Variants in MEI4 observed in about 807,000 individuals in gnomAD.
MEI4 encodes the protein meiotic double-stranded break formation protein 4, also known as meiosis-specific protein MEI4.
In MEI4, 27 loss-of-function variants were observed where a neutral mutation model predicts 31.4. The observed-to-expected ratio is 0.86, with a 90% CI of 0.63 to 1.19. The LOEUF is 1.19. Ranked by LOEUF, MEI4 falls within the 50% of genes most tolerant of loss-of-function variation. The probability of loss-of-function intolerance (pLI) is 0.00; values close to 1 mark genes in which losing one functional copy is unlikely to be tolerated. For synonymous variants in MEI4, 122 were observed against 145.4 expected, an observed-to-expected ratio of 0.84 and a Z score of 1.16; for missense variants, 329 against 398.9, an observed-to-expected ratio of 0.82 and a Z score of 1.49.
chr6:77,758,538 C>T (rs1767967351), intron 2 of MEI4, among the ~76,000 whole-genome samples: 1 of 152,178 alleles, frequency 6.6e-6, no homozygotes, highest in African/African-American at 2.4e-5. Context: ...CACTGTCCCC[C>T]TTTCTCAAAC....
chr6:77,768,998 T>G (rs1768243128), intron 3 of MEI4, among the ~76,000 whole-genome samples: 1 of 152,110 alleles, frequency 6.6e-6, no homozygotes, highest in Non-Finnish European at 1.5e-5. Flanking sequence ...AAGACTAAAT[T>G]GAACAACAGT....
At chr6:77,716,455 TG>T (rs1385519325) in intron 2 of MEI4, among the ~76,000 whole-genome samples, 2 of 152,138 alleles carry the variant, frequency 1.3e-5, no homozygotes, top group African/African-American at 4.8e-5. Flanking sequence ...ATTGAGGTAT[TG>T]TCAGCAGATG....
At chr6:77,664,581 G>A (rs2127643417) in intron 1 of MEI4, among the ~76,000 whole-genome samples, 1 of 152,092 alleles carries the variant, frequency 6.6e-6, no homozygotes, top group Non-Finnish European at 1.5e-5. Context: ...AGGAAGAATT[G>A]GGACCTAGCT....
At chr6:77,689,835 A>T (rs1360240367) in intron 1 of MEI4, among the ~76,000 whole-genome samples, 4 of 152,060 alleles carry the variant, frequency 2.6e-5, no homozygotes, top group Non-Finnish European at 5.9e-5. Context: ...CTCTTCATCA[A>T]GCATTTTTAT....
At chr6:77,897,340 T>C (rs1766101881) in intron 4 of MEI4, among the ~76,000 whole-genome samples, 1 of 151,992 alleles carries the variant, frequency 6.6e-6, no homozygotes, top group Admixed American at 6.6e-5. Context: ...CATCCTTTTC[T>C]TTTTACGATT....
intron 1 of MEI4, among the ~76,000 whole-genome samples, chr6:77,664,585 C>T (rs1220937856): frequency 1.3e-5 from 2 of 151,730 alleles, no homozygotes; most frequent in African/African-American, 4.8e-5. Context: ...AGAATTGGGA[C>T]CTAGCTCGGC....
chr6:77,698,351 T>C (rs1201933873), intron 2 of MEI4, among the ~76,000 whole-genome samples: 1 of 152,218 alleles, frequency 6.6e-6, no homozygotes, highest in Non-Finnish European at 1.5e-5. Context: ...TGATGCAGTT[T>C]CTTCCTAGCC....
chr6:77,803,019 G>C (rs1411148054), intron 3 of MEI4, among the ~76,000 whole-genome samples: 1 of 152,132 alleles, frequency 6.6e-6, no homozygotes, highest in Non-Finnish European at 1.5e-5. Context: ...ATGTTGGCCT[G>C]CCTTGCTAGA....
intron 2 of MEI4, among the ~76,000 whole-genome samples, chr6:77,742,874 G>A (rs1028735411): frequency 6.6e-6 from 1 of 152,006 alleles, no homozygotes; most frequent in African/African-American, 2.4e-5. Flanking sequence ...TTATTAAATA[G>A]GGACTCCTTT....
rs750278863 is a variant in MEI4, at chr6:77,772,373, A to G, written c.768+10708A>G. Among the ~76,000 whole-genome samples, 4 of 152,002 alleles carry G rather than the reference A, an allele frequency of 2.6e-5. No homozygotes were observed. In the South Asian group the frequency reaches 6.2e-4, roughly 24 times the overall value. On this transcript the variant is annotated intron_variant, in intron 3 of 4. Transcript: ENST00000684080. ...CACATTAAAAAGGTCATTCATCATG[A>G]CCAAGTGTGATTTAACCCAGGATGC... is the stretch of plus-strand genomic sequence containing the variant.
At chr6:77,698,090 C>G (rs1017799126) in intron 2 of MEI4, among the ~76,000 whole-genome samples, 1 of 151,996 alleles carries the variant, frequency 6.6e-6, no homozygotes, top group African/African-American at 2.4e-5. Flanking sequence ...GATTGCAACC[C>G]CTGCCTTTTT....
intron 3 of MEI4, among the ~76,000 whole-genome samples, chr6:77,804,834 C>A (rs934915493): frequency 6.6e-6 from 1 of 152,158 alleles, no homozygotes; most frequent in African/African-American, 2.4e-5. Flanking sequence ...GCTATCTAGT[C>A]TTCTAAGACA....
chr6:77,767,729 C>T (rs998875927), intron 3 of MEI4, among the ~76,000 whole-genome samples: 2 of 151,660 alleles, frequency 1.3e-5, no homozygotes, highest in Non-Finnish European at 2.9e-5. Flanking sequence ...ACGGAAAAAT[C>T]TGGGTTAATG....
chr6:77,846,243 T>G (rs1582208751), intron 4 of MEI4, among the ~76,000 whole-genome samples: 1 of 152,182 alleles, frequency 6.6e-6, no homozygotes, highest in South Asian at 2.1e-4. Context: ...TTCACTTTTC[T>G]TATTGGAATT....
chr6:77,759,571 A>G (rs1347607488), intron 2 of MEI4, among the ~76,000 whole-genome samples: 1 of 152,210 alleles, frequency 6.6e-6, no homozygotes, highest in Admixed American at 6.6e-5. Flanking sequence ...ATTTGGCAGC[A>G]CCATAATCTA....
intron 3 of MEI4, among the ~76,000 whole-genome samples, chr6:77,799,791 A>G (rs950980450): frequency 7.9e-5 from 12 of 152,200 alleles, no homozygotes; most frequent in African/African-American, 1.2e-4. Context: ...TTTGTCAAAG[A>G]TCAGATAGTT....
chr6:77,887,440 G>A (rs929711421), intron 4 of MEI4, among the ~76,000 whole-genome samples: 3 of 152,078 alleles, frequency 2.0e-5, no homozygotes, highest in African/African-American at 7.2e-5. Context: ...GGGATTACAG[G>A]CATCGCCCAC....
At chr6:77,752,546 T>G (rs1767803392) in intron 2 of MEI4, among the ~76,000 whole-genome samples, 1 of 152,080 alleles carries the variant, frequency 6.6e-6, no homozygotes, top group Admixed American at 6.6e-5. Context: ...GAATACAACT[T>G]ACAAGGGATG....
chr6:77,696,393 C>A (rs1766044171), intron 2 of MEI4, among the ~76,000 whole-genome samples: 1 of 152,180 alleles, frequency 6.6e-6, no homozygotes, highest in Non-Finnish European at 1.5e-5. Flanking sequence ...ATGATATTGG[C>A]TGTGGGATTC....
Sources: allele counts gnomAD v4.1 joint callset (sites outside exome capture counted in the v4.1 genomes callset), GRCh38; gene constraint gnomAD v4.1.1; transcripts MANE v1.5; gene names NCBI Gene and HGNC (gene_info 2026-07-23, HGNC 2026-07-21).